The following CRIM1 variants were observed in gnomAD, a reference collection of about 807,000 sequenced individuals.
CRIM1 encodes cysteine rich transmembrane BMP regulator 1.
Under a neutral mutation model 116.4 loss-of-function variants are expected in CRIM1, and 32 were observed. The ratio of observed to expected loss-of-function variants is 0.27; its 90% confidence interval spans 0.21 to 0.37. The LOEUF (loss-of-function observed/expected upper bound fraction) is 0.37, where lower values mean the gene tolerates loss of function less well. Ranked by LOEUF, CRIM1 falls within the 10% of genes least tolerant of loss-of-function variation. The probability of loss-of-function intolerance (pLI) is 1.00; values close to 1 mark genes in which losing one functional copy is unlikely to be tolerated. For synonymous variants in CRIM1, 590 were observed against 509.2 expected (o/e 1.16, Z -2.13); for missense variants, 1,331 against 1,354.8 (o/e 0.98, Z 0.28).
intron 7 of CRIM1, among the ~76,000 whole-genome samples, chr2:36,487,066 C>G (rs1321991585): frequency 6.6e-6 from 1 of 152,116 alleles, no homozygotes; most frequent in Non-Finnish European, 1.5e-5. Context: ...TTTTGTCTAC[C>G]CAGTAGAATT....
intron 1 of CRIM1, among the ~76,000 whole-genome samples, chr2:36,360,499 TC>T (rs1346616352): frequency 6.6e-6 from 1 of 152,226 alleles, no homozygotes; most frequent in African/African-American, 2.4e-5. Context: ...TTTTAACTGT[TC>T]CTTTTACCCA....
chr2:36,359,708 T>C (rs1234535960), intron 1 of CRIM1, among the ~76,000 whole-genome samples: 2 of 152,252 alleles, frequency 1.3e-5, no homozygotes, highest in Non-Finnish European at 2.9e-5. Context: ...TAGATTGTTA[T>C]TAAATAAATT....
At chr2:36,420,880 G>C (rs762323537) in intron 2 of CRIM1, among the ~76,000 whole-genome samples, 26 of 152,134 alleles carry the variant, frequency 1.7e-4, no homozygotes, top group Non-Finnish European at 1.3e-4. Flanking sequence ...ACAGAATTTG[G>C]ACTTCATTTT....
At chr2:36,370,214 T>C (rs968298082) in intron 1 of CRIM1, among the ~76,000 whole-genome samples, 3 of 152,040 alleles carry the variant, frequency 2.0e-5, no homozygotes, top group African/African-American at 7.2e-5. Context: ...TTTTTTTTTT[T>C]TTAAATAGTA....
chr2:36,475,726 G>A (rs985656916), intron 5 of CRIM1, among the ~76,000 whole-genome samples: 3 of 152,194 alleles, frequency 2.0e-5, no homozygotes, highest in Non-Finnish European at 2.9e-5. Context: ...TTTTGAGGAT[G>A]CCATTTATCA....
At chr2:36,464,506 GT>G (rs1290932903) in intron 4 of CRIM1, 27 bp from the exon 5 acceptor site, 2 of 1,613,420 alleles carry the variant, frequency 1.2e-6, no homozygotes, top group African/African-American at 2.7e-5. Flanking sequence ...TATTCATGGG[GT>G]TTTCCTTCCC....
intron 2 of CRIM1, among the ~76,000 whole-genome samples, chr2:36,408,388 AAC>A (rs938067473): frequency 6.6e-6 from 1 of 152,152 alleles, no homozygotes; most frequent in African/African-American, 2.4e-5. Context: ...TGTGCTCTGT[AAC>A]ACAGAGCTGC....
chr2:36,514,801 A>G (rs1359365454), intron 11 of CRIM1, among the ~76,000 whole-genome samples: 1 of 152,154 alleles, frequency 6.6e-6, no homozygotes, highest in African/African-American at 2.4e-5. Flanking sequence ...ATGGTTGGGG[A>G]GCAGGGGAGA....
At chr2:36,495,922 T>C (rs1482653399) in intron 7 of CRIM1, among the ~76,000 whole-genome samples, 1 of 152,196 alleles carries the variant, frequency 6.6e-6, no homozygotes, top group Non-Finnish European at 1.5e-5. Context: ...GTCGTAATGT[T>C]GTTCTCATGG....
chr2:36,487,407 T>C (rs1011795895), intron 7 of CRIM1, among the ~76,000 whole-genome samples: 2 of 152,152 alleles, frequency 1.3e-5, no homozygotes, highest in Non-Finnish European at 2.9e-5. Context: ...AGGGATACAG[T>C]CATTCAGAAT....
chr2:36,402,102 C>T (rs1239963285), intron 2 of CRIM1, among the ~76,000 whole-genome samples: 1 of 152,142 alleles, frequency 6.6e-6, no homozygotes, highest in Non-Finnish European at 1.5e-5. Context: ...AGGGTGTCTC[C>T]TAGGTTTCTC....
chr2:36,401,673 T>C (rs1365903189), intron 2 of CRIM1, among the ~76,000 whole-genome samples: 1 of 152,230 alleles, frequency 6.6e-6, no homozygotes, highest in Middle Eastern at 3.2e-3. Context: ...GTTGAACTTT[T>C]AAGTTTGCCT....
At chr2:36,542,609 C>A (rs947763388) in intron 14 of CRIM1, among the ~76,000 whole-genome samples, 2 of 152,216 alleles carry the variant, frequency 1.3e-5, no homozygotes, top group Non-Finnish European at 2.9e-5. Flanking sequence ...GAATTGGTGT[C>A]GCATTTGCCC....
At chr2:36,448,489 C>T (rs150148675) in intron 4 of CRIM1, among the ~76,000 whole-genome samples, 50 of 152,288 alleles carry the variant, frequency 3.3e-4, no homozygotes, top group African/African-American at 9.1e-4. Flanking sequence ...ACTTTGCCTC[C>T]GTAATTTTTC....
intron 1 of CRIM1, among the ~76,000 whole-genome samples, chr2:36,368,059 C>G (rs1386547468): frequency 6.6e-6 from 1 of 152,238 alleles, no homozygotes; most frequent in African/African-American, 2.4e-5. Context: ...GCTCTTCTTC[C>G]TAATACTGCA....
At chr2:36,445,759 A>G (rs1447621302) in intron 4 of CRIM1, among the ~76,000 whole-genome samples, 1 of 152,166 alleles carries the variant, frequency 6.6e-6, no homozygotes, top group Non-Finnish European at 1.5e-5. Context: ...TTAGAGAATA[A>G]CAACCCAAAT....
intron 7 of CRIM1, among the ~76,000 whole-genome samples, chr2:36,495,573 T>C (rs529419275): frequency 2.0e-5 from 3 of 151,614 alleles, no homozygotes; most frequent in Non-Finnish European, 4.4e-5. Context: ...AGGAACTCTC[T>C]TGGATAAAAG....
intron 2 of CRIM1, among the ~76,000 whole-genome samples, chr2:36,397,445 T>G (rs2148380742): frequency 6.6e-6 from 1 of 152,270 alleles, no homozygotes; most frequent in African/African-American, 2.4e-5. Flanking sequence ...TACCCAGAGC[T>G]TGGTGCCATG....
intron 1 of CRIM1, among the ~76,000 whole-genome samples, chr2:36,378,080 A>C (rs1670453274): frequency 6.6e-6 from 1 of 152,168 alleles, no homozygotes; most frequent in Non-Finnish European, 1.5e-5. Flanking sequence ...ACGAGACTTT[A>C]CCCTTTCTAA....
Sources: allele counts gnomAD v4.1 joint callset (sites outside exome capture counted in the v4.1 genomes callset), GRCh38; gene constraint gnomAD v4.1.1; transcripts MANE v1.5; gene names NCBI Gene and HGNC (gene_info 2026-07-23, HGNC 2026-07-21).